Variants in CSMD1 observed in about 807,000 individuals in gnomAD.
CSMD1 encodes CUB and Sushi multiple domains 1, also known as CUB and sushi domain-containing protein 1.
A neutral mutation model predicts 417.5 loss-of-function variants in CSMD1; 213 were observed. That is an observed-to-expected ratio of 0.51 (90% confidence interval 0.46 to 0.57). The LOEUF (loss-of-function observed/expected upper bound fraction) is 0.57, where lower values mean the gene tolerates loss of function less well. CSMD1 is among the 20% of genes least tolerant of loss of function. The pLI is 0.00. For missense variants in CSMD1, 6,923 were observed against 4,529.7 expected (o/e 1.53, Z -15.17); for synonymous variants, 2,862 against 1,736.8 (o/e 1.65, Z -16.11).
At chr8:3,296,436 G>C (rs552152383) in intron 25 of CSMD1, among the ~76,000 whole-genome samples, 1 of 152,100 alleles carries the variant, frequency 6.6e-6, no homozygotes, top group Admixed American at 6.5e-5. Flanking sequence ...AGGTGCCTAC[G>C]CACAGAGGGC....
At chr8:3,020,197 T>G (rs1467227807) in intron 51 of CSMD1, among the ~76,000 whole-genome samples, 1 of 152,216 alleles carries the variant, frequency 6.6e-6, no homozygotes, top group Non-Finnish European at 1.5e-5. Context: ...GCTTGTGCAT[T>G]AGATTCAAAC....
At chr8:4,688,878 A>AT (rs988110089) in intron 1 of CSMD1, among the ~76,000 whole-genome samples, 15 of 152,310 alleles carry the variant, frequency 9.8e-5, no homozygotes, top group Non-Finnish European at 2.2e-4. Context: ...CATAAATTCT[A>AT]TAACTCACGT....
intron 10 of CSMD1, among the ~76,000 whole-genome samples, chr8:3,554,590 G>A (rs1347734937): frequency 1.3e-5 from 2 of 152,200 alleles, no homozygotes; most frequent in Non-Finnish European, 2.9e-5. Flanking sequence ...CTCTAACAAG[G>A]CACAGCATGG....
Position 3,960,420 on chromosome 8 carries a change from G to C in CSMD1, c.818+37483C>G, listed in dbSNP as rs536395060. On this transcript the variant is annotated intron_variant, in intron 5 of 69. Transcript: ENST00000635120. ...TATGCACCAGACAGAAGACTAGATAGTCCCTCAATGCTAGTGAGAAATACA... is the reference window on the plus strand; with the variant it reads ...TATGCACCAGACAGAAGACTAGATACTCCCTCAATGCTAGTGAGAAATACA... Among the ~76,000 whole-genome samples the C allele has an allele frequency of 4.6e-5, 7 of 152,186 alleles. No homozygotes were observed. In the East Asian group the frequency reaches 1.2e-3, roughly 25 times the overall value.
intron 40 of CSMD1, among the ~76,000 whole-genome samples, chr8:3,147,216 C>G (rs10110709): frequency 6.6e-6 from 1 of 151,900 alleles, no homozygotes; most frequent in African/African-American, 2.4e-5. Flanking sequence ...ACGATTTTTT[C>G]TTTTTTCTTT....
At chr8:4,285,250 C>T (rs1470393878) in intron 3 of CSMD1, among the ~76,000 whole-genome samples, 6 of 152,216 alleles carry the variant, frequency 3.9e-5, no homozygotes, top group Middle Eastern at 3.4e-3. Flanking sequence ...TACAGCAGGC[C>T]GACTGTAGCC....
At chr8:4,478,095 A>G (rs1414326564) in intron 2 of CSMD1, among the ~76,000 whole-genome samples, 1 of 152,156 alleles carries the variant, frequency 6.6e-6, no homozygotes, top group Admixed American at 6.6e-5. Flanking sequence ...TTATGGGGCC[A>G]TAAGACCTAC....
At chr8:3,164,500 G>A (rs1312263626) in intron 37 of CSMD1, among the ~76,000 whole-genome samples, 1 of 152,024 alleles carries the variant, frequency 6.6e-6, no homozygotes. Context: ...AAAATCTTTT[G>A]TTTTAACTTT....
At chr8:3,293,460 C>T (rs898618894) in intron 25 of CSMD1, among the ~76,000 whole-genome samples, 12 of 152,226 alleles carry the variant, frequency 7.9e-5, no homozygotes, top group Non-Finnish European at 1.6e-4. Context: ...CTTTTAGGTA[C>T]ACCAATCAGA....
At chr8:4,981,216 G>A (rs970286799) in intron 1 of CSMD1, among the ~76,000 whole-genome samples, 2 of 152,228 alleles carry the variant, frequency 1.3e-5, no homozygotes, top group African/African-American at 2.4e-5. Context: ...AGGCAGTACA[G>A]TGTGTCATAC....
chr8:3,024,576 T>C (rs1384334474), intron 51 of CSMD1, among the ~76,000 whole-genome samples: 2 of 152,152 alleles, frequency 1.3e-5, no homozygotes, highest in African/African-American at 4.8e-5. Flanking sequence ...CAAAGTGTTG[T>C]GATTATAGGC....
rs972876481 is a variant in CSMD1 at position 3,457,979 on chromosome 8, C to G, written c.1561+10733G>C. Among the ~76,000 whole-genome samples the G allele has an allele frequency of 7.9e-5, 12 of 152,150 alleles. 1 individual carries two copies. The highest frequency in any genetic ancestry group is 7.2e-4 in the Admixed American group (11 of 15,284). ...CCTAAAATATCACCTAGAAGTACAC[C>G]TTGTTAATTTCACAAGCTCTTTCAT... On this transcript the variant is annotated intron_variant, in intron 12 of 69. Transcript: ENST00000635120.
chr8:3,033,134 A>G (rs1414345213), intron 50 of CSMD1, among the ~76,000 whole-genome samples: 1 of 152,070 alleles, frequency 6.6e-6, no homozygotes, highest in African/African-American at 2.4e-5. Context: ...TTTATTTTGA[A>G]AGTTCTTTAT....
At chr8:4,295,697 G>A (rs1415358225) in intron 3 of CSMD1, among the ~76,000 whole-genome samples, 1 of 135,440 alleles carries the variant, frequency 7.4e-6, no homozygotes, top group African/African-American at 2.7e-5. Flanking sequence ...TGTTATATAT[G>A]TTATATATTG....
At chr8:4,293,063 G>A (rs911417007) in intron 3 of CSMD1, among the ~76,000 whole-genome samples, 9 of 152,240 alleles carry the variant, frequency 5.9e-5, no homozygotes, top group South Asian at 2.1e-4. Context: ...CCAGAGCTGC[G>A]TCTGGAGTAG....
intron 3 of CSMD1, among the ~76,000 whole-genome samples, chr8:4,354,865 A>AGTGTGT (rs59255397): frequency 0.061 from 7,954 of 129,362 alleles, 307 homozygotes; most frequent in East Asian, 0.092. Flanking sequence ...AGGAAAATGT[A>AGTGTGT]GTGTGTGTGT....
chr8:4,144,629 T>G (rs1804000930), intron 3 of CSMD1, among the ~76,000 whole-genome samples: 2 of 151,012 alleles, frequency 1.3e-5, no homozygotes, highest in South Asian at 4.1e-4. Context: ...CTTGTTTGTC[T>G]GGAGCTTCTT....
chr8:4,687,312 G>C (rs1806456626), intron 1 of CSMD1, among the ~76,000 whole-genome samples: 1 of 152,220 alleles, frequency 6.6e-6, no homozygotes, highest in African/African-American at 2.4e-5. Flanking sequence ...GATGTGTGAA[G>C]ACAGATGCAT....
At chr8:2,956,949 G>C (rs919812300) in intron 63 of CSMD1, among the ~76,000 whole-genome samples, 1 of 152,130 alleles carries the variant, frequency 6.6e-6, no homozygotes, top group Middle Eastern at 3.4e-3. Context: ...ATTTAGAGCA[G>C]AGATAATTTT....
Sources: allele counts gnomAD v4.1 joint callset (sites outside exome capture counted in the v4.1 genomes callset), GRCh38; gene constraint gnomAD v4.1.1; transcripts MANE v1.5; gene names NCBI Gene and HGNC (gene_info 2026-07-23, HGNC 2026-07-21).